Variants in RELN observed in about 807,000 individuals in gnomAD.
RELN encodes reelin.
Under a neutral mutation model 427.6 loss-of-function variants are expected in RELN, and 108 were observed. That is an observed-to-expected ratio of 0.25 (90% confidence interval 0.22 to 0.30). The LOEUF is 0.30. RELN is among the 10% of genes least tolerant of loss of function. The pLI, the probability that RELN is intolerant of heterozygous loss-of-function variation, is 1.00. For synonymous variants in RELN, 1,524 were observed against 1,513.4 expected (o/e 1.01, Z -0.16); for missense variants, 3,715 against 4,302.8 (o/e 0.86, Z 3.82).
At chr7:103,840,650 G>A (rs1261284999) in intron 2 of RELN, among the ~76,000 whole-genome samples, 1 of 152,158 alleles carries the variant, frequency 6.6e-6, no homozygotes, top group African/African-American at 2.4e-5. Context: ...AGCTTCTCAT[G>A]TTCTATGAAA....
At chr7:103,890,718 G>A (rs867223484) in intron 2 of RELN, among the ~76,000 whole-genome samples, 3 of 152,116 alleles carry the variant, frequency 2.0e-5, no homozygotes, top group African/African-American at 7.2e-5. Context: ...TAAGCACCAG[G>A]CCATGGTAGG....
In RELN at chr7:103,968,436, A is replaced by G. The variant is rs2116810108; in HGVS notation, c.226+20695T>C. On this transcript the variant is annotated intron_variant, in intron 1 of 64. Coordinates refer to ENST00000428762, the MANE Select transcript of RELN (RefSeq NM_005045.4). This position sits in a 1 kb window ranked among gnomAD's most constrained non-coding sequence, Gnocchi z 4.3. ...TTGGTTTGACATCAGGTCTGCAGGC[A>G]CCATGCGTTGCTACTGAGGACTAAC... Among the ~76,000 whole-genome samples the G allele has an allele frequency of 6.6e-6, 1 of 152,294 alleles. No individual in the cohort carries two copies. The highest frequency in any genetic ancestry group is 1.5e-5 in the Non-Finnish European group (1 of 68,010).
intron 1 of RELN, among the ~76,000 whole-genome samples, chr7:103,959,046 G>A (rs564506698): frequency 7.2e-5 from 11 of 152,154 alleles, no homozygotes; most frequent in Admixed American, 5.2e-4. Flanking sequence ...GGTTCAAGGC[G>A]ATTCTCCTGC....
intron 2 of RELN, among the ~76,000 whole-genome samples, chr7:103,890,504 G>A (rs10270041): frequency 0.4 from 60,472 of 151,942 alleles, 12,954 homozygotes; most frequent in East Asian, 0.76. Context: ...GATCTAGGTT[G>A]TGTACTCCTT....
At chr7:103,526,271 T>C (rs141747331) in intron 46 of RELN, among the ~76,000 whole-genome samples, 1,758 of 152,364 alleles carry the variant, frequency 0.012, 19 homozygotes, top group Middle Eastern at 0.041. Context: ...CTTCCAATGC[T>C]GACATTTTCA....
intron 1 of RELN, among the ~76,000 whole-genome samples, chr7:103,936,128 T>TGTCA (rs1047067144): frequency 1.3e-5 from 2 of 148,364 alleles, no homozygotes; most frequent in Non-Finnish European, 3.0e-5. Context: ...AGTCTCACTC[T>TGTCA]GTCACCCAGG....
chr7:103,989,350 G>A lies in RELN; in HGVS notation c.7C>T (p.Arg3Cys). 2.8e-6 allele frequency: 4 copies of A among 1,418,404 alleles called. No homozygotes were observed. Among genetic ancestry groups the A allele is most frequent in the Non-Finnish European group, 3.7e-6 (4 of 1,081,434 alleles). The allele number at this position is 1,418,404 out of a possible 1,614,324, so 87.9% of individuals were successfully genotyped here. ...AAAGTCTGCCGGGCCCAGCCACTGC[G>A]CTCCATGCCGCCGCCGCCGCCGCCG... ME[R>C]SGWARQTFLL... The change falls in exon 1 of 65, where the codon CGC becomes TGC. Residue 3 changes from arginine to cysteine, a missense_variant. By Grantham distance (180) the Arg-to-Cys change is radical. Transcript: ENST00000428762. The surrounding 1 kb of genome is among the most constrained non-coding windows in gnomAD (Gnocchi z 4.9).
rs528026441 is a variant in RELN at position 103,877,295 on chromosome 7, T to C, written c.337+39780A>G. On this transcript the variant is annotated intron_variant, in intron 2 of 64. Coordinates refer to ENST00000428762, the MANE Select transcript of RELN (RefSeq NM_005045.4). Reference sequence around the variant, plus strand: ...CCCCTGAGCTCCTTACAGTTGCATATTGGACACTTCCATTTGAATATCCCA... The same window carrying C: ...CCCCTGAGCTCCTTACAGTTGCATACTGGACACTTCCATTTGAATATCCCA... 2.0e-5 allele frequency among the ~76,000 whole-genome samples: 3 copies of C among 152,300 alleles called. No individual in the cohort carries two copies. In the South Asian group the frequency reaches 6.2e-4, roughly 32 times the overall value.
At chr7:103,612,091 C>A (rs1831973417) in intron 20 of RELN, among the ~76,000 whole-genome samples, 1 of 152,084 alleles carries the variant, frequency 6.6e-6, no homozygotes, top group Non-Finnish European at 1.5e-5. Context: ...ATTAATCTCA[C>A]TTCTTGAAAT....
intron 48 of RELN, among the ~76,000 whole-genome samples, chr7:103,521,046 G>GGCTC (rs1829696981): frequency 7.4e-6 from 1 of 134,722 alleles, no homozygotes; most frequent in Non-Finnish European, 1.5e-5. Context: ...GCGCAATCTC[G>GGCTC]GCTCACTGCA....
chr7:103,695,270 C>T (rs1369707916), intron 10 of RELN, among the ~76,000 whole-genome samples: 1 of 152,026 alleles, frequency 6.6e-6, no homozygotes, highest in Non-Finnish European at 1.5e-5. Flanking sequence ...TGTAAATGAA[C>T]TAAAATGACA....
In RELN at chr7:103,777,060, G is replaced by C. The variant is rs546810082; in HGVS notation, c.474-433C>G. ...CACCGTAACTTATAGAGTTGAGACA[G>C]AGAATTACATTTTTAAAAAGTATTT... On this transcript the variant is annotated intron_variant, in intron 3 of 64. Coordinates refer to ENST00000428762, the MANE Select transcript of RELN (RefSeq NM_005045.4). Among the ~76,000 whole-genome samples, 3 of 152,250 alleles carry C rather than the reference G, an allele frequency of 2.0e-5. No individual in the cohort carries two copies. The South Asian group carries it at 6.2e-4, about 32-fold the overall frequency.
At chr7:103,716,725 T>C (rs1371854331) in intron 8 of RELN, among the ~76,000 whole-genome samples, 6 of 152,202 alleles carry the variant, frequency 3.9e-5, no homozygotes, top group Non-Finnish European at 8.8e-5. Context: ...GTAAGTTCCT[T>C]AGCCCTCAAG....
At chr7:103,851,470 C>T (rs985414793) in intron 2 of RELN, among the ~76,000 whole-genome samples, 1 of 152,014 alleles carries the variant, frequency 6.6e-6, no homozygotes, top group South Asian at 2.1e-4. Context: ...ACTTGTACCC[C>T]ATTAATTTAT....
intron 1 of RELN, among the ~76,000 whole-genome samples, chr7:103,936,204 T>C (rs1795980640): frequency 6.6e-6 from 1 of 152,004 alleles, no homozygotes; most frequent in Non-Finnish European, 1.5e-5. Context: ...GAAATTCTCG[T>C]GCCTCAGCCA....
intron 20 of RELN, among the ~76,000 whole-genome samples, chr7:103,622,303 G>C (rs1832239409): frequency 6.6e-6 from 1 of 152,136 alleles, no homozygotes; most frequent in Non-Finnish European, 1.5e-5. Context: ...GGCAGGTCCT[G>C]ATCATTACTA....
At chr7:103,964,843 C>A (rs1358633004) in intron 1 of RELN, among the ~76,000 whole-genome samples, 2 of 152,150 alleles carry the variant, frequency 1.3e-5, no homozygotes, top group East Asian at 1.9e-4. Context: ...TGTGCCCACA[C>A]AAATACAGTC....
chr7:103,732,250 A>T (rs1031497157), intron 6 of RELN, among the ~76,000 whole-genome samples: 4 of 152,114 alleles, frequency 2.6e-5, no homozygotes, highest in Non-Finnish European at 5.9e-5. Context: ...AAAAGGTCCA[A>T]GAATGAATCC....
intron 23 of RELN, 21 bp downstream of exon 23, chr7:103,604,325 C>A: frequency 6.2e-7 from 1 of 1,613,568 alleles, no homozygotes; most frequent in Non-Finnish European, 8.5e-7. Flanking sequence ...TGGACCTCAT[C>A]GTGCTTTCTG....
Sources: allele counts gnomAD v4.1 joint callset (sites outside exome capture counted in the v4.1 genomes callset), GRCh38; gene constraint gnomAD v4.1.1; non-coding constraint Gnocchi (gnomAD v3.1); transcripts MANE v1.5; gene names NCBI Gene and HGNC (gene_info 2026-07-23, HGNC 2026-07-21).